PPIL6: variants seen among roughly 807,000 people sequenced by gnomAD.
PPIL6 encodes peptidylprolyl isomerase like 6, also known as probable inactive peptidyl-prolyl cis-trans isomerase-like 6.
Under a neutral mutation model 36.8 loss-of-function variants are expected in PPIL6, and 39 were observed. The observed-to-expected ratio is 1.06, with a 90% CI of 0.82 to 1.38. The LOEUF (loss-of-function observed/expected upper bound fraction) is 1.38. PPIL6 is among the 40% of genes most tolerant of loss of function. PPIL6 has a pLI of 0.00. For missense variants in PPIL6, 368 were observed against 379.1 expected (o/e 0.97, Z 0.24); for synonymous variants, 123 against 134.1 (o/e 0.92, Z 0.57).
rs553879440 is a variant in PPIL6, at chr6:109,429,275, C to T, written c.420+1882G>A. On this transcript the variant is annotated intron_variant, in intron 3 of 7. Transcript: ENST00000521072. ...GCTCCCAAGCTCTCCCCTACTCCAG[C>T]CTGCTTCTGCACAGACCTAAACATT... Among the ~76,000 whole-genome samples, 18 of 152,306 alleles carry T rather than the reference C, an allele frequency of 1.2e-4. No homozygotes were observed. In the South Asian group the frequency reaches 3.1e-3, roughly 26 times the overall value.
intron 5 of PPIL6, among the ~76,000 whole-genome samples, chr6:109,423,385 A>T (rs759152041): frequency 6.6e-6 from 1 of 152,034 alleles, no homozygotes; most frequent in African/African-American, 2.4e-5. Context: ...ATAATAATAT[A>T]TGAGTTCAAT....
chr6:109,430,439 T>G (rs1166860364), intron 3 of PPIL6, among the ~76,000 whole-genome samples: 1 of 151,922 alleles, frequency 6.6e-6, no homozygotes, highest in Non-Finnish European at 1.5e-5. Context: ...ATGCTTTTTT[T>G]TTTTTTTGAG....
upstream of PPIL6, chr6:109,441,093 C>A: frequency 6.2e-7 from 1 of 1,613,512 alleles, no homozygotes; most frequent in Non-Finnish European, 8.5e-7. Context: ...AGAGTTCGAG[C>A]CGCCTAGCGC....
intron 7 of PPIL6, 104 bp downstream of exon 7, chr6:109,399,931 T>C: frequency 1.2e-6 from 1 of 826,732 alleles, no homozygotes; most frequent in East Asian, 2.9e-5. Flanking sequence ...ATTTAAGCCC[T>C]ATTTTTAGCT....
At chr6:109,419,316 A>G in intron 5 of PPIL6, 73 bp from the exon 6 acceptor site, 1 of 1,055,948 alleles carries the variant, frequency 9.5e-7, no homozygotes, top group Middle Eastern at 2.2e-4. Context: ...GACAGGGAAA[A>G]AATTTTGCTT....
intron 6 of PPIL6, among the ~76,000 whole-genome samples, chr6:109,406,426 C>T (rs1039461983): frequency 6.6e-6 from 1 of 152,112 alleles, no homozygotes; most frequent in Non-Finnish European, 1.5e-5. Context: ...AAATCGGCAG[C>T]TGAGTCCAGA....
chr6:109,434,539 C>T (rs774435052), intron 2 of PPIL6, among the ~76,000 whole-genome samples: 1 of 152,140 alleles, frequency 6.6e-6, no homozygotes, highest in Non-Finnish European at 1.5e-5. Flanking sequence ...AGGCTATGAA[C>T]ATGTGAGGCT....
intron 5 of PPIL6, among the ~76,000 whole-genome samples, chr6:109,422,974 A>G (rs747958277): frequency 1.2e-4 from 19 of 152,226 alleles, no homozygotes; most frequent in Non-Finnish European, 2.4e-4. Flanking sequence ...ACACCATAGC[A>G]GCGCTCATTC....
In PPIL6 at chr6:109,392,928, A is replaced by C. The variant is rs1772148564; in HGVS notation, c.834T>G (p.Ile278Met). The C allele has an allele frequency of 6.2e-7, 1 of 1,601,482 alleles. No individual in the cohort carries two copies. The highest frequency in any genetic ancestry group is 8.5e-7 in the Non-Finnish European group (1 of 1,173,160). ...DRKFVAFGQL[I>M]EGTEVLKQLE... ...GTTGTTTAAGCACTTCTGTTCCTTCAATCAGTTGCCTACATAGGAGAAAAA... is the reference window on the plus strand; with the variant it reads ...GTTGTTTAAGCACTTCTGTTCCTTCCATCAGTTGCCTACATAGGAGAAAAA... The change falls in exon 8 of 8, where the codon ATT (isoleucine) becomes ATG (methionine). Residue 278 changes from isoleucine to methionine, a missense_variant. By Grantham distance (10) the Ile-to-Met change is conservative (BLOSUM62 1). Coordinates refer to ENST00000521072, the MANE Select transcript of PPIL6 (RefSeq NM_173672.5).
intron 6 of PPIL6, among the ~76,000 whole-genome samples, chr6:109,417,046 T>C (rs1411154745): frequency 6.6e-6 from 1 of 151,750 alleles, no homozygotes; most frequent in African/African-American, 2.4e-5. Flanking sequence ...GGCATGCACC[T>C]GTAGTCCTAG....
chr6:109,428,427 C>T (rs1020944898), intron 3 of PPIL6, among the ~76,000 whole-genome samples: 1 of 151,862 alleles, frequency 6.6e-6, no homozygotes, highest in Non-Finnish European at 1.5e-5. Flanking sequence ...TGGCATGTGT[C>T]TGTAGTCCCA....
chr6:109,406,063 G>C (rs1227463527), intron 6 of PPIL6, among the ~76,000 whole-genome samples: 1 of 151,356 alleles, frequency 6.6e-6, no homozygotes, highest in Non-Finnish European at 1.5e-5. Context: ...TTTGAGGCAG[G>C]GTCTCAGTCT....
chr6:109,419,355 A>T, intron 5 of PPIL6, 112 bp from the exon 6 acceptor site: 1 of 680,874 alleles, frequency 1.5e-6, no homozygotes. Flanking sequence ...CTGAGGTGGG[A>T]TGATCACTGG....
rs201227887 is a variant in PPIL6, at chr6:109,427,138, C to T, written c.439G>A (p.Asp147Asn). ...ATTGGAGAAGAATCAATACAAATGTCCAAAAACACGAAATCATGCTGTGAA... is the reference window on the plus strand; with the variant it reads ...ATTGGAGAAGAATCAATACAAATGTTCAAAAACACGAAATCATGCTGTGAA... Reference protein sequence around the residue: ...RDTKHDFVFLDICIDSSPIGR... With the variant: ...RDTKHDFVFLNICIDSSPIGR... Residue 147 changes from aspartate to asparagine, a missense_variant, in exon 4 of 8, where the codon GAC becomes AAC. Transcript: ENST00000521072. 4 of 1,611,210 alleles carry T rather than the reference C, an allele frequency of 2.5e-6. No individual in the cohort carries two copies. Among genetic ancestry groups the T allele is most frequent in the Non-Finnish European group, 3.4e-6 (4 of 1,178,132 alleles).
chr6:109,420,883 G>T (rs1255612686), intron 5 of PPIL6, among the ~76,000 whole-genome samples: 1 of 152,172 alleles, frequency 6.6e-6, no homozygotes, highest in Non-Finnish European at 1.5e-5. Flanking sequence ...TCAGAAAGCT[G>T]GCTCAGAAGT....
intron 5 of PPIL6, among the ~76,000 whole-genome samples, chr6:109,419,921 C>T (rs1356361671): frequency 6.6e-6 from 1 of 152,038 alleles, no homozygotes; most frequent in African/African-American, 2.4e-5. Flanking sequence ...CACAATTTTT[C>T]AAAAGTATGT....
chr6:109,421,546 C>G (rs1474621987), intron 5 of PPIL6, among the ~76,000 whole-genome samples: 1 of 152,006 alleles, frequency 6.6e-6, no homozygotes, highest in Admixed American at 6.6e-5. Context: ...CTAGAATGCC[C>G]CTTCTCATTA....
At position 109,431,233 on chromosome 6, in the gene PPIL6, A is replaced by G. The variant is rs1774135927; in HGVS notation, c.344T>C (p.Ile115Thr). ...AAGTGCAGAGGGTTTAATGTCAACT[A>G]TATCCCACACCTCGTGGGCCCATTT... ...LQKWAHEVWD[I>T]VDIKPSALYD... is the part of the protein sequence containing the mutation. The change falls in exon 3 of 8, where the codon ATA becomes ACA. Residue 115 changes from isoleucine (I) to threonine (T), a missense_variant. Coordinates refer to ENST00000521072, the MANE Select transcript of PPIL6 (RefSeq NM_173672.5). 2.5e-6 allele frequency: 4 copies of G among 1,613,904 alleles called. No individual in the cohort carries two copies. The highest frequency in any genetic ancestry group is 3.3e-5 in the Admixed American group (2 of 59,994).
intron 5 of PPIL6, among the ~76,000 whole-genome samples, chr6:109,420,729 A>T (rs2115248719): frequency 6.6e-6 from 1 of 152,332 alleles, no homozygotes; most frequent in Middle Eastern, 3.4e-3. Context: ...ATATTTATTG[A>T]AGGACTATGC....
Sources: allele counts gnomAD v4.1 joint callset (sites outside exome capture counted in the v4.1 genomes callset), GRCh38; gene constraint gnomAD v4.1.1; transcripts MANE v1.5; gene names NCBI Gene and HGNC (gene_info 2026-07-23, HGNC 2026-07-21).